ATP8A2: variants seen among roughly 807,000 people sequenced by gnomAD.
The protein encoded by ATP8A2 is ATPase phospholipid transporting 8A2.
A neutral mutation model predicts 165.6 loss-of-function variants in ATP8A2; 100 were observed. The ratio of observed to expected loss-of-function variants is 0.60; its 90% CI spans 0.51 to 0.71. ATP8A2 has a LOEUF of 0.71. ATP8A2 is among the 30% of genes least tolerant of loss of function. ATP8A2 has a pLI of 0.00. For missense variants in ATP8A2, 1,227 were observed against 1,479.5 expected, an observed-to-expected ratio of 0.83 and a Z score of 2.80; for synonymous variants, 543 against 548.8, an observed-to-expected ratio of 0.99 and a Z score of 0.15.
At chr13:25,637,257 A>G (rs146401779) in intron 24 of ATP8A2, among the ~76,000 whole-genome samples, 5,256 of 152,206 alleles carry the variant, frequency 0.035, 155 homozygotes, top group East Asian at 0.13. Context: ...GTTGGACAGT[A>G]GGTGCAGGAC....
At chr13:25,480,324 C>A (rs9553624) in intron 2 of ATP8A2, among the ~76,000 whole-genome samples, 1 of 149,982 alleles carries the variant, frequency 6.7e-6, no homozygotes, top group East Asian at 2.1e-4. Context: ...CCGGACGGGG[C>A]GGCTGCCGGG....
intron 27 of ATP8A2, among the ~76,000 whole-genome samples, chr13:25,809,015 C>T (rs1950804189): frequency 6.6e-6 from 1 of 152,150 alleles, no homozygotes; most frequent in Non-Finnish European, 1.5e-5. Flanking sequence ...GCACTTTTTG[C>T]AAACTGTGCT....
intron 9 of ATP8A2, among the ~76,000 whole-genome samples, chr13:25,542,384 A>ATTT (rs61662955): frequency 8.9e-5 from 12 of 135,144 alleles, no homozygotes; most frequent in African/African-American, 2.7e-5. Context: ...GTGTATGTGT[A>ATTT]TTTTTTTTTT....
intron 33 of ATP8A2, among the ~76,000 whole-genome samples, chr13:25,947,358 G>T (rs1044874167): frequency 9.2e-5 from 14 of 152,262 alleles, no homozygotes; most frequent in African/African-American, 2.6e-4. Flanking sequence ...GGAAAATAGA[G>T]GCTGGGGACC....
intron 35 of ATP8A2, among the ~76,000 whole-genome samples, chr13:26,008,301 G>A (rs924396177): frequency 1.3e-5 from 2 of 152,180 alleles, no homozygotes; most frequent in Non-Finnish European, 2.9e-5. Flanking sequence ...GAGAAGGGTA[G>A]TATGTAAGAA....
intron 1 of ATP8A2, chr13:25,468,667 G>C (rs1029702712): frequency 1.1e-5 from 3 of 282,932 alleles, no homozygotes; most frequent in African/African-American, 6.8e-5. Context: ...TGGGCGTCCA[G>C]CCCGGCCCGG....
chr13:25,434,313 G>T (rs1366852405), intron 1 of ATP8A2, among the ~76,000 whole-genome samples: 1 of 152,002 alleles, frequency 6.6e-6, no homozygotes, highest in Non-Finnish European at 1.5e-5. Flanking sequence ...AGAAGCATGA[G>T]CCTCTTTTTC....
At chr13:25,657,039 C>T (rs554136487) in intron 24 of ATP8A2, among the ~76,000 whole-genome samples, 8 of 101,926 alleles carry the variant, frequency 7.8e-5, no homozygotes, top group African/African-American at 2.4e-4. Context: ...GGTGACAGAT[C>T]GAGACTCTGT....
intron 17 of ATP8A2, 102 bp downstream of exon 17, chr13:25,570,974 C>CAT: frequency 1.2e-6 from 1 of 809,006 alleles, no homozygotes; most frequent in Non-Finnish European, 1.9e-6. Flanking sequence ...CCCACAGACT[C>CAT]GGCTGTCTGC....
Position 26,020,849 on chromosome 13 carries a change from TTCTGCATATATTCTAAACGTCTC to T in ATP8A2, c.*870_*892del, listed in dbSNP as rs1957071985. On this transcript the variant is annotated 3_prime_UTR_variant, in exon 37 of 37. Coordinates refer to ENST00000381655, the MANE Select transcript of ATP8A2 (RefSeq NM_016529.6). Reference sequence around the variant, plus strand: ...TAAAGAAAGAAAAGAAACATAGCCTTTCTGCATATATTCTAAACGTCTCTCTGCCTCTGTCTGACATGGGGCCA... The same window carrying T: ...TAAAGAAAGAAAAGAAACATAGCCTTTCTGCCTCTGTCTGACATGGGGCCA... 6.6e-6 allele frequency: 1 copy of T among 152,290 alleles called. No individual in the cohort carries two copies. The highest frequency in any genetic ancestry group is 1.5e-5 in the Non-Finnish European group (1 of 68,088). 9.4% of individuals were successfully genotyped at this position (152,290 alleles called of 1,614,324 possible). A position where few individuals can be genotyped will look rare whatever the true frequency, so the allele number is the denominator to read the frequency against.
At chr13:25,774,737 A>G in intron 26 of ATP8A2, 112 bp from the exon 27 acceptor site, 2 of 599,186 alleles carry the variant, frequency 3.3e-6, no homozygotes, top group Admixed American at 6.5e-5. Context: ...TTCCTGCGGA[A>G]TCTGGTTTCC....
At chr13:25,721,731 C>T (rs1593248601) in intron 25 of ATP8A2, among the ~76,000 whole-genome samples, 3 of 152,144 alleles carry the variant, frequency 2.0e-5, no homozygotes, top group South Asian at 2.1e-4. Context: ...CTTCCACTTA[C>T]GACAGTGTTT....
intron 1 of ATP8A2, among the ~76,000 whole-genome samples, chr13:25,393,595 T>C (rs572283109): frequency 6.6e-6 from 1 of 152,254 alleles, no homozygotes. Context: ...TTTGTATTTT[T>C]AGTAGAGATG....
chr13:25,687,492 A>AT (rs1195157755), intron 24 of ATP8A2, among the ~76,000 whole-genome samples: 1 of 212 alleles, frequency 4.7e-3, no homozygotes, highest in African/African-American at 0.015. Context: ...AAGCTTCCTG[A>AT]TCCCCCACAT....
At chr13:25,842,768 AAAG>A (rs1951774572) in intron 30 of ATP8A2, among the ~76,000 whole-genome samples, 1 of 152,018 alleles carries the variant, frequency 6.6e-6, no homozygotes, top group Admixed American at 6.6e-5. Context: ...GGTTGGAAGG[AAAG>A]AAGGAGGGAA....
intron 28 of ATP8A2, among the ~76,000 whole-genome samples, chr13:25,834,983 C>CGTGTGTGTGTGT (rs61614959): frequency 6.7e-6 from 1 of 149,536 alleles, no homozygotes; most frequent in African/African-American, 2.5e-5. Flanking sequence ...TGATCCCTAA[C>CGTGTGTGTGTGT]GTGTGTGTGT....
In ATP8A2 at chr13:25,398,759, A is replaced by G. The variant is rs1488943040; in HGVS notation, c.76+26471A>G. 3.3e-5 allele frequency among the ~76,000 whole-genome samples: 5 copies of G among 152,336 alleles called. No individual in the cohort carries two copies. The East Asian group carries it at 9.6e-4, about 29-fold the overall frequency. ...GAATTATTTCCAATACAACATGATAAGCTCTGTTAAGAGCTATCAGTGAGG... is the reference window on the plus strand; with the variant it reads ...GAATTATTTCCAATACAACATGATAGGCTCTGTTAAGAGCTATCAGTGAGG... On this transcript the variant is annotated intron_variant, in intron 1 of 36. Transcript: ENST00000381655.
At position 25,804,638 on chromosome 13, in the gene ATP8A2, C is replaced by T. The variant is rs974533370; in HGVS notation, c.2680-23480C>T. Among the ~76,000 whole-genome samples, 5 of 152,062 alleles carry T rather than the reference C, an allele frequency of 3.3e-5. No homozygotes were observed. In the East Asian group the frequency reaches 7.7e-4, roughly 23 times the overall value. ...AAGTGTCTTTAAAGATGAGCTTTTC[C>T]TCTTTTTCTGTTAAGACAGAGCTTC... On this transcript the variant is annotated intron_variant, in intron 27 of 36. Transcript: ENST00000381655.
intron 31 of ATP8A2, 88 bp downstream of exon 31, chr13:25,860,344 T>C (rs1952309525): frequency 1.5e-6 from 1 of 662,624 alleles, no homozygotes; most frequent in African/African-American, 1.8e-5. Flanking sequence ...GCCTTCCTCA[T>C]TATTATTATT....
Sources: gnomAD v4.1 joint callset for allele counts (sites outside exome capture counted in the v4.1 genomes callset) on GRCh38, gnomAD v4.1.1 for gene constraint, MANE v1.5 for transcripts, NCBI Gene and HGNC (gene_info 2026-07-23, HGNC 2026-07-21) for gene names.